Variants in ORC4 observed in about 807,000 individuals in gnomAD.
ORC4 encodes origin recognition complex, subunit 4 homolog.
ORC4 carries 55 observed loss-of-function variants against 63.9 expected under a neutral mutation model. The observed-to-expected ratio is 0.86, with a 90% CI of 0.69 to 1.08. The LOEUF (loss-of-function observed/expected upper bound fraction) is 1.08. Ranked by LOEUF, ORC4 falls within the 50% of genes least tolerant of loss-of-function variation. The probability of loss-of-function intolerance (pLI) is 0.00; values close to 1 mark genes in which losing one functional copy is unlikely to be tolerated. For synonymous variants in ORC4, 150 were observed against 168.5 expected, an observed-to-expected ratio of 0.89 and a Z score of 0.85; for missense variants, 511 against 504.4, an observed-to-expected ratio of 1.01 and a Z score of -0.13.
intron 8 of ORC4, 36 bp from the exon 9 acceptor site, chr2:147,948,260 A>C: frequency 6.8e-7 from 1 of 1,473,100 alleles, no homozygotes; most frequent in Non-Finnish European, 9.4e-7. Flanking sequence ...AAGGAAGATG[A>C]ATGTTTTTAA....
intron 1 of ORC4, among the ~76,000 whole-genome samples, chr2:148,014,650 C>G (rs1693155886): frequency 6.6e-6 from 1 of 151,972 alleles, no homozygotes; most frequent in South Asian, 2.1e-4. Context: ...ATTCACTCAA[C>G]CAAGGATTAA....
chr2:147,959,535 G>T (rs1201813837), intron 4 of ORC4, among the ~76,000 whole-genome samples: 1 of 151,502 alleles, frequency 6.6e-6, no homozygotes, highest in Non-Finnish European at 1.5e-5. Context: ...CAAAACTTAG[G>T]ACAAAAAGTA....
At chr2:148,002,258 T>G (rs1466019863) in intron 1 of ORC4, among the ~76,000 whole-genome samples, 1 of 152,066 alleles carries the variant, frequency 6.6e-6, no homozygotes, top group Admixed American at 6.5e-5. Flanking sequence ...ATGGACCAAG[T>G]GGACCTAATA....
intron 1 of ORC4, among the ~76,000 whole-genome samples, chr2:147,995,643 A>G (rs2105416073): frequency 6.6e-6 from 1 of 152,174 alleles, no homozygotes; most frequent in East Asian, 1.9e-4. Context: ...GGAGGAACAA[A>G]CAACTCCAGA....
chr2:147,949,961 C>G (rs1390602191), intron 8 of ORC4, among the ~76,000 whole-genome samples: 1 of 152,030 alleles, frequency 6.6e-6, no homozygotes, highest in Non-Finnish European at 1.5e-5. Flanking sequence ...GTGAAGAAAT[C>G]ATGATATAGA....
At chr2:147,939,386 A>T in intron 10 of ORC4, 138 bp from the exon 11 acceptor site, 1 of 660,374 alleles carries the variant, frequency 1.5e-6, no homozygotes, top group Non-Finnish European at 2.8e-6. Flanking sequence ...TCTCAAATTC[A>T]GTTGTATTAA....
rs1687725270 is a variant in ORC4 at position 147,931,370 on chromosome 2, C to T, written c.*4140G>A. 6.6e-6 allele frequency: 1 copy of T among 151,740 alleles called. No homozygotes were observed. Among genetic ancestry groups the T allele is most frequent in the African/African-American group, 2.4e-5 (1 of 41,290 alleles). 9.4% of individuals were successfully genotyped at this position (151,740 alleles called of 1,614,324 possible). ...GATTTATAGTCCTTTGGGTATATAC[C>T]CAGTAATGGGATGGCTGGGTCAAAT... On this transcript the variant is annotated 3_prime_UTR_variant, in exon 14 of 14. Transcript: ENST00000392857.
Position 147,948,212 on chromosome 2 carries a change from G to T in ORC4, c.601C>A (p.Leu201Ile). ...GLTCRLDILE[L>I]LEKRVKSRFS... The stretch of plus-strand genomic sequence containing the variant: ...CTTGACTTCACTCTTTTTTCTAAGA[G>T]TTCCAAAATATCCTTAAAAACAAAC... The change falls in exon 9 of 14, where the codon CTC becomes ATC. Residue 201 changes from leucine (L) to isoleucine (I), a missense_variant. Coordinates refer to ENST00000392857, the MANE Select transcript of ORC4 (RefSeq NM_181741.4). 1 of 1,604,768 alleles carries T rather than the reference G, an allele frequency of 6.2e-7. No individual in the cohort carries two copies. Among genetic ancestry groups the T allele is most frequent in the Non-Finnish European group, 8.5e-7 (1 of 1,173,416 alleles).
At chr2:147,996,850 T>G (rs1692005091) in intron 1 of ORC4, among the ~76,000 whole-genome samples, 1 of 152,212 alleles carries the variant, frequency 6.6e-6, no homozygotes, top group Admixed American at 6.5e-5. Context: ...GTTTGGCAGC[T>G]TCTTATAAAA....
At chr2:147,974,286 TTCTG>T (rs1690392260) in intron 2 of ORC4, among the ~76,000 whole-genome samples, 1 of 152,154 alleles carries the variant, frequency 6.6e-6, no homozygotes, top group African/African-American at 2.4e-5. Flanking sequence ...AAATTTTAAT[TTCTG>T]TATCTATAAA....
In ORC4 at chr2:147,976,108, T is replaced by A. The variant is rs564151682; in HGVS notation, c.-17-133A>T. The A allele has an allele frequency of 6.2e-4, 400 of 643,028 alleles. 10 individuals carry two copies. The South Asian group carries it at 6.4e-3, about 10-fold the overall frequency. 39.8% of individuals were successfully genotyped at this position (643,028 alleles called of 1,614,324 possible). ...TGCTCAAACCCTAAGACCTTCAAAA[T>A]CTTCGATGGCTTCATTTTGTCTAAG... On this transcript the variant is annotated intron_variant, in intron 1 of 13. Coordinates refer to ENST00000392857, the MANE Select transcript of ORC4 (RefSeq NM_181741.4).
rs2105297739 is a variant in ORC4 at position 147,952,306 on chromosome 2, G to A, written c.588+67C>T. The A allele has an allele frequency of 5.1e-6, 6 of 1,175,838 alleles. 1 individual carries two copies. The highest frequency in any genetic ancestry group is 5.5e-4 in the Middle Eastern group (2 of 3,642). The allele number at this position is 1,175,838 out of a possible 1,614,324, so 72.8% of individuals were successfully genotyped here. ...CCTAAATAAGTGAAAAAAACTAGCA[G>A]TGTCAGCAATTAAGCTTGAATTTTA... is the stretch of plus-strand genomic sequence containing the variant. On this transcript the variant is annotated intron_variant, in intron 8 of 13. Coordinates refer to ENST00000392857, the MANE Select transcript of ORC4 (RefSeq NM_181741.4).
At position 147,931,520 on chromosome 2, in the gene ORC4, T is replaced by C. The variant is rs563385166; in HGVS notation, c.*3990A>G. 5.5e-4 allele frequency: 83 copies of C among 152,148 alleles called. No individual in the cohort carries two copies. Among genetic ancestry groups the C allele is most frequent in the African/African-American group, 1.9e-3 (79 of 41,520 alleles). The allele number at this position is 152,148 out of a possible 1,614,324, so 9.4% of individuals were successfully genotyped here. A position where few individuals can be genotyped will look rare whatever the true frequency, so the allele number is the denominator to read the frequency against. ...TCTCCACATCCTCTCCAGCACCTGT[T>C]GTTTCCTGACTTTTTAATGATTGCC... On this transcript the variant is annotated 3_prime_UTR_variant, in exon 14 of 14. Transcript: ENST00000392857.
chr2:147,953,185 A>T (rs1208067731), intron 7 of ORC4, among the ~76,000 whole-genome samples: 1 of 151,578 alleles, frequency 6.6e-6, no homozygotes, highest in Non-Finnish European at 1.5e-5. Flanking sequence ...AAAAAAAAAA[A>T]AATTAGCTAC....
chr2:147,957,386 G>A (rs940000716), intron 6 of ORC4, among the ~76,000 whole-genome samples: 4 of 151,760 alleles, frequency 2.6e-5, no homozygotes, highest in African/African-American at 9.7e-5. Context: ...AAATTAGAGC[G>A]ATGCCACCGC....
intron 1 of ORC4, among the ~76,000 whole-genome samples, chr2:147,988,271 T>C (rs1297421980): frequency 1.3e-5 from 2 of 151,800 alleles, no homozygotes; most frequent in African/African-American, 4.8e-5. Context: ...AGTGGCACCA[T>C]CACATATTCA....
chr2:147,935,032 TC>T lies in ORC4; in HGVS notation c.*477del, dbSNP rs985763733. The T allele has an allele frequency of 1.3e-5, 2 of 157,902 alleles. No individual in the cohort carries two copies. The highest frequency in any genetic ancestry group is 4.8e-5 in the African/African-American group (2 of 41,456). 9.8% of individuals were successfully genotyped at this position (157,902 alleles called of 1,614,324 possible). ...ATCTTCTGACTAAGCTGGTTAGTCT[TC>T]TGAACTAGAAAACCTGGGTCTGGGA... On this transcript the variant is annotated 3_prime_UTR_variant, in exon 14 of 14. Coordinates refer to ENST00000392857, the MANE Select transcript of ORC4 (RefSeq NM_181741.4).
At chr2:147,996,722 T>C (rs1266750434) in intron 1 of ORC4, among the ~76,000 whole-genome samples, 1 of 152,268 alleles carries the variant, frequency 6.6e-6, no homozygotes, top group East Asian at 1.9e-4. Flanking sequence ...TGCACACCTA[T>C]TACAATGGCT....
At chr2:148,015,021 A>G (rs1435255190) in intron 1 of ORC4, among the ~76,000 whole-genome samples, 1 of 152,024 alleles carries the variant, frequency 6.6e-6, no homozygotes, top group Non-Finnish European at 1.5e-5. Context: ...TGATGCATTG[A>G]TCTAATAATC....
Sources: gnomAD v4.1 joint callset for allele counts (sites outside exome capture counted in the v4.1 genomes callset) on GRCh38, gnomAD v4.1.1 for gene constraint, MANE v1.5 for transcripts, NCBI Gene and HGNC (gene_info 2026-07-23, HGNC 2026-07-21) for gene names.